ADCY8: variants seen among roughly 807,000 people sequenced by gnomAD.
The protein encoded by ADCY8 is adenylate cyclase 8, also known as adenylate cyclase type 8.
Under a neutral mutation model 119.7 loss-of-function variants are expected in ADCY8, and 51 were observed. The ratio of observed to expected loss-of-function variants is 0.43; its 90% confidence interval spans 0.34 to 0.54. The LOEUF (loss-of-function observed/expected upper bound fraction) is 0.54, where lower values mean the gene tolerates loss of function less well. ADCY8 is among the 20% of genes least tolerant of loss of function. ADCY8 has a pLI of 0.03. For missense variants in ADCY8, 1,383 were observed against 1,598.8 expected (o/e 0.87, Z 2.30); for synonymous variants, 665 against 651.0 (o/e 1.02, Z -0.33).
chr8:130,981,110 T>G (rs1011065741), intron 2 of ADCY8, among the ~76,000 whole-genome samples: 2 of 152,210 alleles, frequency 1.3e-5, no homozygotes, highest in African/African-American at 4.8e-5. Flanking sequence ...ACTCAAAACT[T>G]TCATTCTAAA....
chr8:130,934,874 A>C (rs1820738240), intron 5 of ADCY8, among the ~76,000 whole-genome samples: 1 of 152,150 alleles, frequency 6.6e-6, no homozygotes, highest in South Asian at 2.1e-4. Flanking sequence ...CATACACTTC[A>C]CAGAAAAGTA....
chr8:130,853,584 T>G (rs1391585811), intron 9 of ADCY8, among the ~76,000 whole-genome samples: 1 of 14,434 alleles, frequency 6.9e-5, no homozygotes, highest in Non-Finnish European at 3.2e-4. Context: ...GATGTTTTTT[T>G]TTTTTTTTTT....
chr8:131,023,199 T>C (rs1586664211), intron 1 of ADCY8, among the ~76,000 whole-genome samples: 1 of 152,302 alleles, frequency 6.6e-6, no homozygotes, highest in East Asian at 1.9e-4. Flanking sequence ...GTGTAGGAAG[T>C]GCTAGATATC....
intron 15 of ADCY8, among the ~76,000 whole-genome samples, chr8:130,799,082 A>C (rs1377327268): frequency 1.3e-5 from 2 of 152,106 alleles, no homozygotes; most frequent in Non-Finnish European, 2.9e-5. Flanking sequence ...GAATCTAAAA[A>C]CGTCAAACTC....
intron 2 of ADCY8, among the ~76,000 whole-genome samples, chr8:130,967,128 G>T (rs1199566407): frequency 2.0e-5 from 3 of 152,152 alleles, no homozygotes; most frequent in South Asian, 2.1e-4. Flanking sequence ...ATATTAAAGG[G>T]TTTTTTATGG....
rs772789667 is a variant in ADCY8 at position 130,821,364 on chromosome 8, G to A, written c.2732C>T (p.Ala911Val). The change falls in exon 13 of 18, where the codon GCT (alanine) becomes GTT (valine). Residue 911 changes from alanine (A) to valine (V), a missense_variant. Ala to Val is a moderately conservative substitution (Grantham distance 64). Around this residue, in one of 2 missense-constraint regions of ADCY8, gnomAD observed 928 missense variants for 1,163.5 expected, o/e 0.80. Coordinates refer to ENST00000286355, the MANE Select transcript of ADCY8 (RefSeq NM_001115.3). ...TACCTGCTGTCCATGGTAGAACACAGCCAGGAGGAACATGGCCATCAGTAG... is the reference window on the plus strand; with the variant it reads ...TACCTGCTGTCCATGGTAGAACACAACCAGGAGGAACATGGCCATCAGTAG... Reference protein sequence around the residue: ...SLLLMAMFLLAVFYHGQQLEY... With the variant: ...SLLLMAMFLLVVFYHGQQLEY... The A allele has an allele frequency of 1.9e-6, 3 of 1,613,416 alleles. No individual in the cohort carries two copies. In the East Asian group the frequency reaches 6.7e-5, roughly 36 times the overall value.
chr8:130,822,891 A>G (rs1586450100), intron 12 of ADCY8, among the ~76,000 whole-genome samples: 1 of 152,198 alleles, frequency 6.6e-6, no homozygotes, highest in Admixed American at 6.5e-5. Flanking sequence ...AATCATGGTT[A>G]TGTGCTTGGC....
At chr8:131,002,470 AAC>A (rs887311492) in intron 1 of ADCY8, among the ~76,000 whole-genome samples, 1 of 152,192 alleles carries the variant, frequency 6.6e-6, no homozygotes, top group Non-Finnish European at 1.5e-5. Flanking sequence ...AGGAAGGACA[AAC>A]AGTTCCCACC....
At chr8:130,951,134 A>C (rs996821676) in intron 3 of ADCY8, among the ~76,000 whole-genome samples, 2 of 150,824 alleles carry the variant, frequency 1.3e-5, no homozygotes, top group African/African-American at 4.8e-5. Context: ...ATTAATATTC[A>C]CTTATATGAT....
At chr8:130,846,851 T>TCCTCC (rs772847409) in intron 11 of ADCY8, among the ~76,000 whole-genome samples, 2,472 of 20,460 alleles carry the variant, frequency 0.12, 439 homozygotes, top group African/African-American at 0.31. Flanking sequence ...CTTCCTTCCT[T>TCCTCC]CCTCCCCTCC....
chr8:130,789,710 A>G (rs1227804923), intron 15 of ADCY8, among the ~76,000 whole-genome samples: 5 of 152,242 alleles, frequency 3.3e-5, no homozygotes, highest in Non-Finnish European at 5.9e-5. Flanking sequence ...AAGAAGAGTC[A>G]GAACAGAATT....
chr8:130,926,226 C>G (rs1456779529), intron 5 of ADCY8, among the ~76,000 whole-genome samples: 1 of 151,974 alleles, frequency 6.6e-6, no homozygotes, highest in Non-Finnish European at 1.5e-5. Flanking sequence ...CATATGTACA[C>G]ACATACACTA....
At chr8:130,955,913 G>A (rs949349737) in intron 2 of ADCY8, among the ~76,000 whole-genome samples, 2 of 152,342 alleles carry the variant, frequency 1.3e-5, no homozygotes, top group East Asian at 1.9e-4. Flanking sequence ...GGGAGACTGA[G>A]CTGGGAAGAA....
intron 2 of ADCY8, among the ~76,000 whole-genome samples, chr8:130,974,446 C>T (rs978096144): frequency 2.0e-5 from 3 of 152,178 alleles, no homozygotes; most frequent in South Asian, 4.1e-4. Context: ...GTTTGTGACA[C>T]ATTTGTGAGC....
chr8:130,975,523 A>T (rs532342200), intron 2 of ADCY8, among the ~76,000 whole-genome samples: 2 of 152,350 alleles, frequency 1.3e-5, no homozygotes, highest in South Asian at 2.1e-4. Flanking sequence ...GGACACTAAG[A>T]GTGACACGGG....
At chr8:130,960,449 T>TTTATGAC (rs1261863954) in intron 2 of ADCY8, among the ~76,000 whole-genome samples, 2 of 36,992 alleles carry the variant, frequency 5.4e-5, no homozygotes, top group East Asian at 5.9e-3. Flanking sequence ...ATGAAACCTA[T>TTTATGAC]TTATCCTGGG....
At chr8:130,826,503 G>A (rs908489466) in intron 12 of ADCY8, among the ~76,000 whole-genome samples, 2 of 152,080 alleles carry the variant, frequency 1.3e-5, no homozygotes, top group African/African-American at 4.8e-5. Context: ...AATGCTTTTA[G>A]ATAAGTGTTT....
intron 9 of ADCY8, among the ~76,000 whole-genome samples, chr8:130,854,125 T>A (rs920075718): frequency 2.0e-5 from 3 of 152,212 alleles, no homozygotes; most frequent in African/African-American, 7.2e-5. Flanking sequence ...TCTGCAGCAG[T>A]TCCTCAGCAT....
chr8:131,034,220 T>A (rs13340576), intron 1 of ADCY8, among the ~76,000 whole-genome samples: 67 of 152,254 alleles, frequency 4.4e-4, no homozygotes, highest in African/African-American at 1.5e-3. Context: ...TTATTTGATT[T>A]GAGATAGCTA....
Sources: allele counts gnomAD v4.1 joint callset (sites outside exome capture counted in the v4.1 genomes callset), GRCh38; gene constraint gnomAD v4.1.1; regional missense constraint gnomAD v4.1.1; transcripts MANE v1.5; gene names NCBI Gene and HGNC (gene_info 2026-07-23, HGNC 2026-07-21).